SH3RF3: variants seen among roughly 807,000 people sequenced by gnomAD.
SH3RF3 encodes the protein SH3 domain containing ring finger 3.
Under a neutral mutation model 66.3 loss-of-function variants are expected in SH3RF3, and 29 were observed. That is an observed-to-expected ratio of 0.44 (90% CI 0.33 to 0.60). SH3RF3 has a LOEUF of 0.60. Among genes scored for constraint, SH3RF3 ranks in the 20% least tolerant of loss-of-function variants. The pLI, the probability that SH3RF3 is intolerant of heterozygous loss-of-function variation, is 0.04. For missense variants in SH3RF3, 1,194 were observed against 1,190.9 expected (o/e 1.00, Z -0.04); for synonymous variants, 583 against 532.0 (o/e 1.10, Z -1.32).
chr2:109,485,026 T>A (rs1400303312), intron 8 of SH3RF3, among the ~76,000 whole-genome samples: 1 of 152,250 alleles, frequency 6.6e-6, no homozygotes, highest in Non-Finnish European at 1.5e-5. Context: ...AAATAGTACG[T>A]AACCCATCAG....
intron 1 of SH3RF3, among the ~76,000 whole-genome samples, chr2:109,336,329 C>G (rs989098000): frequency 6.6e-6 from 1 of 152,142 alleles, no homozygotes; most frequent in African/African-American, 2.4e-5. Context: ...GTTTACAAAG[C>G]CACATTAAAG....
At chr2:109,148,461 T>C (rs1677150020) in intron 1 of SH3RF3, among the ~76,000 whole-genome samples, 1 of 152,202 alleles carries the variant, frequency 6.6e-6, no homozygotes, top group Admixed American at 6.5e-5. Context: ...TAGCTCAAAC[T>C]GTGTACAAAT....
chr2:109,418,500 C>T (rs1676784257), intron 4 of SH3RF3, among the ~76,000 whole-genome samples: 1 of 152,108 alleles, frequency 6.6e-6, no homozygotes, highest in Non-Finnish European at 1.5e-5. Context: ...CACCCCTCGG[C>T]TTGTGGATGC....
intron 1 of SH3RF3, among the ~76,000 whole-genome samples, chr2:109,133,468 G>A (rs1452151665): frequency 6.6e-6 from 1 of 152,086 alleles, no homozygotes; most frequent in Non-Finnish European, 1.5e-5. Flanking sequence ...CATTTTTTGA[G>A]TACAGAGCTG....
At chr2:109,276,000 T>A (rs1452579305) in intron 1 of SH3RF3, among the ~76,000 whole-genome samples, 1 of 152,192 alleles carries the variant, frequency 6.6e-6, no homozygotes, top group Non-Finnish European at 1.5e-5. Flanking sequence ...TGCCCCCATT[T>A]GGTCTCCAAT....
intron 1 of SH3RF3, among the ~76,000 whole-genome samples, chr2:109,246,158 T>C (rs965052442): frequency 2.0e-5 from 3 of 152,198 alleles, no homozygotes; most frequent in Non-Finnish European, 2.9e-5. Context: ...GGTTGTGAGG[T>C]TGACAGAGGC....
intron 6 of SH3RF3, among the ~76,000 whole-genome samples, chr2:109,436,612 A>T (rs115864876): frequency 0.016 from 2,428 of 152,374 alleles, 66 homozygotes; most frequent in African/African-American, 0.055. Flanking sequence ...AAATTAAGGC[A>T]GTAGCTGTGG....
intron 1 of SH3RF3, among the ~76,000 whole-genome samples, chr2:109,258,604 G>T (rs368795862): frequency 4.6e-5 from 7 of 152,186 alleles, no homozygotes; most frequent in African/African-American, 1.7e-4. Context: ...CCCCAGGCCG[G>T]GCCACAGCTG....
chr2:109,353,939 G>A (rs1461655899), intron 2 of SH3RF3, among the ~76,000 whole-genome samples: 1 of 152,128 alleles, frequency 6.6e-6, no homozygotes, highest in Non-Finnish European at 1.5e-5. Flanking sequence ...TGAACACGAT[G>A]GGAACACCAG....
intron 1 of SH3RF3, among the ~76,000 whole-genome samples, chr2:109,253,337 A>G (rs1406879243): frequency 2.0e-5 from 3 of 152,156 alleles, no homozygotes; most frequent in Non-Finnish European, 4.4e-5. Flanking sequence ...AAATTTGATT[A>G]AGGTGCTTTG....
At chr2:109,209,318 G>A (rs1033814855) in intron 1 of SH3RF3, among the ~76,000 whole-genome samples, 4 of 152,170 alleles carry the variant, frequency 2.6e-5, no homozygotes, top group African/African-American at 9.7e-5. Context: ...CCATGACTGA[G>A]TTTTCTTGGC....
chr2:109,434,981 G>A (rs1200960908), intron 6 of SH3RF3, among the ~76,000 whole-genome samples: 1 of 152,116 alleles, frequency 6.6e-6, no homozygotes, highest in Admixed American at 6.5e-5. Flanking sequence ...AGAGTGGCCC[G>A]GTCCCCTCCC....
intron 5 of SH3RF3, among the ~76,000 whole-genome samples, chr2:109,429,298 C>T (rs139245314): frequency 2.4e-3 from 358 of 152,230 alleles, no homozygotes; most frequent in Non-Finnish European, 3.4e-3. Flanking sequence ...TTGGTGTCCC[C>T]TACGAGGCAC....
intron 1 of SH3RF3, among the ~76,000 whole-genome samples, chr2:109,144,154 G>A (rs796358884): frequency 6.6e-6 from 1 of 152,294 alleles, no homozygotes; most frequent in African/African-American, 2.4e-5. Flanking sequence ...AACAATACTC[G>A]ATTATATACT....
intron 8 of SH3RF3, among the ~76,000 whole-genome samples, chr2:109,455,606 G>T (rs1193350126): frequency 6.6e-6 from 1 of 152,210 alleles, no homozygotes; most frequent in East Asian, 1.9e-4. Context: ...CCAATCTGAA[G>T]AAATCTTGAG....
In SH3RF3 at chr2:109,449,242, C is replaced by T; in HGVS notation, c.1901C>T (p.Pro634Leu). Residue 634 changes from proline (P) to leucine (L), a missense_variant, in exon 8 of 10, where the codon CCA (proline) becomes CTA (leucine). Transcript: ENST00000309415. The stretch of plus-strand genomic sequence containing the variant: ...TCACCCCTGCGCACCCAGAACTCTC[C>T]ATCCCGCCTGCCTGCCACCAGCCTC... ...TVSPLRTQNS[P>L]SRLPATSLRP... 1 of 1,613,030 alleles carries T rather than the reference C, an allele frequency of 6.2e-7. No homozygotes were observed. Among genetic ancestry groups the T allele is most frequent in the Non-Finnish European group, 8.5e-7 (1 of 1,179,668 alleles).
At chr2:109,272,648 A>G (rs2105322153) in intron 1 of SH3RF3, among the ~76,000 whole-genome samples, 1 of 152,278 alleles carries the variant, frequency 6.6e-6, no homozygotes, top group African/African-American at 2.4e-5. Context: ...ACAGCTGCCA[A>G]CGGTCCTCCT....
intron 1 of SH3RF3, among the ~76,000 whole-genome samples, chr2:109,225,308 C>T (rs1376618408): frequency 6.6e-6 from 1 of 152,242 alleles, no homozygotes; most frequent in Admixed American, 6.5e-5. Flanking sequence ...AACCATTGTA[C>T]TCAGCTGGGT....
At chr2:109,302,172 C>A (rs535112342) in intron 1 of SH3RF3, among the ~76,000 whole-genome samples, 32 of 152,148 alleles carry the variant, frequency 2.1e-4, no homozygotes, top group African/African-American at 5.6e-4. Flanking sequence ...GCAAAGCTGG[C>A]GTTGGTACTC....
Sources: gnomAD v4.1 joint callset for allele counts (sites outside exome capture counted in the v4.1 genomes callset) on GRCh38, gnomAD v4.1.1 for gene constraint, MANE v1.5 for transcripts, NCBI Gene and HGNC (gene_info 2026-07-23, HGNC 2026-07-21) for gene names.